Variants in DDX60 observed in about 807,000 individuals in gnomAD.
The protein encoded by DDX60 is DExD/H-box helicase 60.
A neutral mutation model predicts 212.8 loss-of-function variants in DDX60; 165 were observed. That is an observed-to-expected ratio of 0.78 (90% CI 0.68 to 0.88). The LOEUF (loss-of-function observed/expected upper bound fraction) is 0.88. Ranked by LOEUF, DDX60 falls within the 40% of genes least tolerant of loss-of-function variation. The pLI is 0.00. For missense variants in DDX60, 1,905 were observed against 2,003.9 expected (o/e 0.95, Z 0.94); for synonymous variants, 703 against 685.3 (o/e 1.03, Z -0.40).
intron 6 of DDX60, among the ~76,000 whole-genome samples, chr4:168,301,743 G>T (rs1329898908): frequency 6.6e-6 from 1 of 152,086 alleles, no homozygotes; most frequent in South Asian, 2.1e-4. Context: ...AGTTTGAGAA[G>T]AAACAGGATC....
At chr4:168,238,414 A>AGAGGG (rs1325402760) in intron 30 of DDX60, among the ~76,000 whole-genome samples, 3 of 63,402 alleles carry the variant, frequency 4.7e-5, no homozygotes, top group African/African-American at 6.9e-5. Context: ...GGAGGGGAGG[A>AGAGGG]GAGGGGAGGG....
chr4:168,224,492 G>T, intron 34 of DDX60, 107 bp from the exon 35 acceptor site: 1 of 1,060,316 alleles, frequency 9.4e-7, no homozygotes, highest in Non-Finnish European at 1.4e-6. Flanking sequence ...TCAGCTTCAT[G>T]TAATGAAGAC....
In DDX60 at chr4:168,217,025, A is replaced by T; in HGVS notation, c.5047T>A (p.Leu1683Met). The T allele has an allele frequency of 6.2e-7, 1 of 1,604,136 alleles. No homozygotes were observed. Among genetic ancestry groups the T allele is most frequent in the Non-Finnish European group, 8.5e-7 (1 of 1,176,396 alleles). Reference protein sequence around the residue: ...ALTIKSISVSLRELCENEDDN... With the variant: ...ALTIKSISVSMRELCENEDDN... Reference sequence around the variant, plus strand: ...TCTTCATTTTCACATAGCTCACGCAAGGAAACACTGGAAATGGGGAAAAAA... The same window carrying T: ...TCTTCATTTTCACATAGCTCACGCATGGAAACACTGGAAATGGGGAAAAAA... Residue 1683 changes from leucine (L) to methionine (M), a missense_variant, in exon 38 of 38, where the codon TTG becomes ATG. Leu to Met is a conservative substitution (Grantham distance 15). Transcript: ENST00000393743.
intron 7 of DDX60, among the ~76,000 whole-genome samples, chr4:168,292,148 A>T (rs1736140805): frequency 6.6e-6 from 1 of 150,836 alleles, no homozygotes; most frequent in Non-Finnish European, 1.5e-5. Flanking sequence ...CCAAGGTTCA[A>T]GTGATTCTCC....
At chr4:168,232,098 C>G (rs559303707) in intron 33 of DDX60, among the ~76,000 whole-genome samples, 42 of 152,062 alleles carry the variant, frequency 2.8e-4, no homozygotes, top group African/African-American at 9.4e-4. Context: ...AAATCAAGAA[C>G]TCAGCCCCTT....
chr4:168,303,506 A>G (rs1201218804), intron 5 of DDX60, among the ~76,000 whole-genome samples: 1 of 152,220 alleles, frequency 6.6e-6, no homozygotes, highest in Non-Finnish European at 1.5e-5. Context: ...CAAGAGCCAC[A>G]TAACAATGTT....
chr4:168,254,476 C>T (rs113423489), intron 26 of DDX60, among the ~76,000 whole-genome samples: 9 of 152,272 alleles, frequency 5.9e-5, no homozygotes, highest in Non-Finnish European at 7.4e-5. Flanking sequence ...ATCAGAAATG[C>T]TCTAAAAGCT....
intron 29 of DDX60, among the ~76,000 whole-genome samples, chr4:168,247,832 A>T (rs1375010458): frequency 6.6e-6 from 1 of 152,256 alleles, no homozygotes; most frequent in Non-Finnish European, 1.5e-5. Context: ...TGTGCACAGC[A>T]AATGAATGAG....
intron 6 of DDX60, among the ~76,000 whole-genome samples, chr4:168,295,602 G>A (rs1043478098): frequency 5.3e-5 from 8 of 152,160 alleles, no homozygotes; most frequent in South Asian, 2.1e-4. Flanking sequence ...TGTGATTCTG[G>A]AGGCTGCCTG....
intron 33 of DDX60, among the ~76,000 whole-genome samples, chr4:168,233,914 A>G (rs1042072166): frequency 2.0e-5 from 3 of 152,152 alleles, no homozygotes; most frequent in Non-Finnish European, 2.9e-5. Context: ...TATCTTTGAT[A>G]TAAGTATAAA....
chr4:168,285,890 GGGAAGAAAGGAAGGAAGGAA>G, intron 10 of DDX60, among the ~76,000 whole-genome samples: 1 of 113,364 alleles, frequency 8.8e-6, no homozygotes, highest in Non-Finnish European at 1.7e-5. Flanking sequence ...AAAGGAAGGA[GGGAAGAAAGGAAGGAAGGAA>G]GGAAGGAAGG....
At chr4:168,307,542 C>G (rs1377601744) in intron 4 of DDX60, among the ~76,000 whole-genome samples, 4 of 152,100 alleles carry the variant, frequency 2.6e-5, no homozygotes, top group African/African-American at 9.7e-5. Context: ...CTCCTGGGCT[C>G]AAGTAATCCT....
At chr4:168,218,690 C>A (rs555046980) in intron 37 of DDX60, among the ~76,000 whole-genome samples, 4 of 152,284 alleles carry the variant, frequency 2.6e-5, no homozygotes, top group Admixed American at 2.0e-4. Flanking sequence ...AACAACCCAG[C>A]ATCTTCCCCC....
intron 33 of DDX60, chr4:168,236,048 C>A (rs1733620041): frequency 1.1e-5 from 5 of 444,026 alleles, no homozygotes; most frequent in Non-Finnish European, 1.2e-5. Flanking sequence ...TTTTTTTTCA[C>A]AAAGACTTTA....
At chr4:168,301,454 A>G (rs1560874185) in intron 6 of DDX60, among the ~76,000 whole-genome samples, 1 of 152,336 alleles carries the variant, frequency 6.6e-6, no homozygotes, top group East Asian at 1.9e-4. Context: ...GAGGGCTTGT[A>G]AAAGAACACA....
intron 6 of DDX60, among the ~76,000 whole-genome samples, chr4:168,295,408 A>G (rs1267259806): frequency 2.0e-5 from 3 of 152,192 alleles, no homozygotes; most frequent in Admixed American, 6.5e-5. Flanking sequence ...GTCTTGGCCA[A>G]TCCCTTACTT....
rs1283067261 is a variant in DDX60, at chr4:168,285,293, A to G, written c.1445+100T>C. ...ATTATGTATTACAAACACATACTAC[A>G]TGTAATGTACTCTAATCGTCTGCAT... On this transcript the variant is annotated intron_variant, in intron 11 of 37. Coordinates refer to ENST00000393743, the MANE Select transcript of DDX60 (RefSeq NM_017631.6). 6 of 743,726 alleles carry G rather than the reference A, an allele frequency of 8.1e-6. No individual in the cohort carries two copies. The African/African-American group carries it at 8.9e-5, about 11-fold the overall frequency. 46.1% of individuals were successfully genotyped at this position (743,726 alleles called of 1,614,324 possible).
rs969892412 is a variant in DDX60, at chr4:168,265,234, A to G, written c.3039+2348T>C. On this transcript the variant is annotated intron_variant, in intron 22 of 37. Transcript: ENST00000393743. Reference sequence around the variant, plus strand: ...CTCCTGAAATCATTTTTATACTACAACTATAGAGGAAAGGACCCAGGTGGA... The same window carrying G: ...CTCCTGAAATCATTTTTATACTACAGCTATAGAGGAAAGGACCCAGGTGGA... Among the ~76,000 whole-genome samples the G allele has an allele frequency of 7.2e-5, 11 of 152,208 alleles. No homozygotes were observed. The East Asian group carries it at 1.5e-3, about 21-fold the overall frequency.
intron 1 of DDX60, among the ~76,000 whole-genome samples, chr4:168,318,372 C>T (rs1422019255): frequency 6.6e-6 from 1 of 152,254 alleles, no homozygotes; most frequent in Non-Finnish European, 1.5e-5. Flanking sequence ...ACTAAGCACT[C>T]CTCTCTGTCT....
Sources: gnomAD v4.1 joint callset for allele counts (sites outside exome capture counted in the v4.1 genomes callset) on GRCh38, gnomAD v4.1.1 for gene constraint, MANE v1.5 for transcripts, NCBI Gene and HGNC (gene_info 2026-07-23, HGNC 2026-07-21) for gene names.